Variants in PTPRG observed in about 807,000 individuals in gnomAD.
PTPRG encodes the protein protein tyrosine phosphatase receptor type G, also known as receptor-type tyrosine-protein phosphatase gamma.
In PTPRG, 102 loss-of-function variants were observed where a neutral mutation model predicts 165.3. That is an observed-to-expected ratio of 0.62 (90% CI 0.53 to 0.73). The LOEUF is 0.73. Among genes scored for constraint, PTPRG ranks in the 30% least tolerant of loss-of-function variants. The pLI, the probability that PTPRG is intolerant of heterozygous loss-of-function variation, is 0.00. For missense variants in PTPRG, 1,866 were observed against 1,861.4 expected, an observed-to-expected ratio of 1.00 and a Z score of -0.05; for synonymous variants, 675 against 669.5, an observed-to-expected ratio of 1.01 and a Z score of -0.13.
At chr3:61,689,337 T>C (rs2106647311) in intron 1 of PTPRG, among the ~76,000 whole-genome samples, 1 of 152,364 alleles carries the variant, frequency 6.6e-6, no homozygotes, top group Admixed American at 6.5e-5. Context: ...AGATAATTTC[T>C]TTACTGGGTC....
At position 61,617,389 on chromosome 3, in the gene PTPRG, A is replaced by T. The variant is rs559750747; in HGVS notation, c.85+55017A>T. On this transcript the variant is annotated intron_variant, in intron 1 of 29. Transcript: ENST00000474889. ...TAAAATAGTCAGGGACTTGTTCGGC[A>T]TGTGGGTTGCTCAGGGTGTACAGGC... Among the ~76,000 whole-genome samples the T allele has an allele frequency of 3.3e-4, 50 of 152,290 alleles. No individual in the cohort carries two copies. In the South Asian group the frequency reaches 0.01, roughly 32 times the overall value.
chr3:61,875,177 A>G (rs540834065), intron 2 of PTPRG, among the ~76,000 whole-genome samples: 4 of 152,162 alleles, frequency 2.6e-5, no homozygotes, highest in Non-Finnish European at 5.9e-5. Flanking sequence ...TAGAAGTCAT[A>G]TGTCAAAGCA....
chr3:62,288,473 GA>G lies in PTPRG; in HGVS notation c.4056-3947del, dbSNP rs527584132. 3.4e-4 allele frequency among the ~76,000 whole-genome samples: 52 copies of G among 152,228 alleles called. 3 individuals carry two copies. In the South Asian group the frequency reaches 0.011, roughly 32 times the overall value. Reference sequence around the variant, plus strand: ...GCAGATCACCAGGTCAGGAGTTCAAGACCAGCCTGGCCAACATGGCGAAACC... The same window carrying G: ...GCAGATCACCAGGTCAGGAGTTCAAGCCAGCCTGGCCAACATGGCGAAACC... On this transcript the variant is annotated intron_variant, in intron 28 of 29. Transcript: ENST00000474889.
chr3:61,878,649 A>G (rs1015931053), intron 2 of PTPRG, among the ~76,000 whole-genome samples: 2 of 152,010 alleles, frequency 1.3e-5, no homozygotes, highest in African/African-American at 2.4e-5. Context: ...GTGTGCTACC[A>G]TGCCTGGCTA....
At chr3:62,171,354 T>A (rs1705208550) in intron 8 of PTPRG, among the ~76,000 whole-genome samples, 1 of 152,226 alleles carries the variant, frequency 6.6e-6, no homozygotes, top group Non-Finnish European at 1.5e-5. Flanking sequence ...AGTGACTGTA[T>A]GTGCCACTTT....
chr3:62,292,270 T>A, intron 28 of PTPRG, 151 bp from the exon 29 acceptor site: 4 of 876,748 alleles, frequency 4.6e-6, no homozygotes. Flanking sequence ...TCCAAATCCC[T>A]CCCCCACCAG....
At chr3:62,170,244 C>A (rs1445932545) in intron 8 of PTPRG, among the ~76,000 whole-genome samples, 2 of 151,172 alleles carry the variant, frequency 1.3e-5, no homozygotes, top group African/African-American at 4.9e-5. Context: ...TTTTTTTTAA[C>A]CTAGTTAAAA....
chr3:61,956,298 A>T (rs899410520), intron 2 of PTPRG, among the ~76,000 whole-genome samples: 53 of 151,170 alleles, frequency 3.5e-4, no homozygotes, highest in African/African-American at 9.4e-4. Context: ...TCTCTCTCAC[A>T]CACACACACA....
intron 2 of PTPRG, among the ~76,000 whole-genome samples, chr3:61,809,492 A>C (rs536726815): frequency 6.6e-6 from 1 of 152,114 alleles, no homozygotes; most frequent in Non-Finnish European, 1.5e-5. Flanking sequence ...GACACACAGA[A>C]GATACCCAAG....
Position 62,293,402 on chromosome 3 carries a change from C to T in PTPRG, c.*95C>T. On this transcript the variant is annotated 3_prime_UTR_variant, in exon 30 of 30. Coordinates refer to ENST00000474889, the MANE Select transcript of PTPRG (RefSeq NM_002841.4). ...CCAGACTCTAGGTTATACAATAACC[C>T]AGTTACTTTTTTACACTGATAAAAG... 8.8e-7 allele frequency: 1 copy of T among 1,138,314 alleles called. No homozygotes were observed. Among genetic ancestry groups the T allele is most frequent in the Non-Finnish European group, 1.2e-6 (1 of 834,734 alleles). 70.5% of individuals were successfully genotyped at this position (1,138,314 alleles called of 1,614,324 possible).
chr3:62,198,238 C>T (rs1332683472), intron 10 of PTPRG, among the ~76,000 whole-genome samples: 1 of 152,154 alleles, frequency 6.6e-6, no homozygotes, highest in Non-Finnish European at 1.5e-5. Flanking sequence ...GTTATTTCAT[C>T]TGAACCTCAC....
intron 2 of PTPRG, among the ~76,000 whole-genome samples, chr3:61,867,783 TC>T (rs2037451509): frequency 6.6e-6 from 1 of 152,202 alleles, no homozygotes; most frequent in African/African-American, 2.4e-5. Flanking sequence ...ACATAGGACG[TC>T]CCTTACGGAA....
At chr3:62,050,750 G>C (rs1575938515) in intron 4 of PTPRG, among the ~76,000 whole-genome samples, 1 of 152,244 alleles carries the variant, frequency 6.6e-6, no homozygotes, top group African/African-American at 2.4e-5. Flanking sequence ...ATAAAGACAA[G>C]GTATCAGGAA....
At chr3:61,888,322 G>GTTGTTT (rs1553686764) in intron 2 of PTPRG, among the ~76,000 whole-genome samples, 1 of 149,408 alleles carries the variant, frequency 6.7e-6, no homozygotes, top group African/African-American at 2.5e-5. Context: ...AAAATGGGTT[G>GTTGTTT]TTTTTTTTGT....
At chr3:61,851,508 C>T (rs769835414) in intron 2 of PTPRG, among the ~76,000 whole-genome samples, 36 of 152,110 alleles carry the variant, frequency 2.4e-4, no homozygotes, top group Non-Finnish European at 4.7e-4. Flanking sequence ...TCATGGCGTG[C>T]TTTATCTGTA....
At position 62,254,881 on chromosome 3, in the gene PTPRG, A is replaced by T. The variant is rs1336367435; in HGVS notation, c.2468-243A>T. The stretch of plus-strand genomic sequence containing the variant: ...TGCGTTGAATATAAAAATAAGGGGA[A>T]TTCTCTATGTACCTTTTTTTAAAAA... On this transcript the variant is annotated intron_variant, in intron 15 of 29. Coordinates refer to ENST00000474889, the MANE Select transcript of PTPRG (RefSeq NM_002841.4). The surrounding 1 kb of genome is among the most constrained non-coding windows in gnomAD (Gnocchi z 4.6). Among the ~76,000 whole-genome samples the T allele has an allele frequency of 6.6e-6, 1 of 152,158 alleles. No individual in the cohort carries two copies. Among genetic ancestry groups the T allele is most frequent in the Non-Finnish European group, 1.5e-5 (1 of 68,032 alleles).
chr3:61,997,029 G>A (rs2041055284), intron 3 of PTPRG, among the ~76,000 whole-genome samples: 1 of 152,178 alleles, frequency 6.6e-6, no homozygotes, highest in African/African-American at 2.4e-5. Flanking sequence ...TTCTCTGCTA[G>A]ACTCCTCCAT....
At chr3:61,567,664 T>G (rs143122723) in intron 1 of PTPRG, among the ~76,000 whole-genome samples, 2,294 of 28,872 alleles carry the variant, frequency 0.079, 34 homozygotes, top group Non-Finnish European at 0.12. Context: ...AGACCCTGTC[T>G]CAAAAAAAAA....
chr3:61,904,590 T>G (rs1369168997), intron 2 of PTPRG, among the ~76,000 whole-genome samples: 1 of 152,170 alleles, frequency 6.6e-6, no homozygotes, highest in Non-Finnish European at 1.5e-5. Flanking sequence ...CTGGCTCATA[T>G]CTACCTAGTT....
Sources: allele counts gnomAD v4.1 joint callset (sites outside exome capture counted in the v4.1 genomes callset), GRCh38; gene constraint gnomAD v4.1.1; non-coding constraint Gnocchi (gnomAD v3.1); transcripts MANE v1.5; gene names NCBI Gene and HGNC (gene_info 2026-07-23, HGNC 2026-07-21).